Variants in EFCAB6 observed in about 807,000 individuals in gnomAD.
EFCAB6 encodes EF-hand calcium-binding domain-containing protein 6.
In EFCAB6, 156 loss-of-function variants were observed where a neutral mutation model predicts 169.8. The ratio of observed to expected loss-of-function variants is 0.92; its 90% CI spans 0.81 to 1.05. The LOEUF (loss-of-function observed/expected upper bound fraction) is 1.05. Among genes scored for constraint, EFCAB6 ranks in the 50% least tolerant of loss-of-function variants. The pLI is 0.00. For synonymous variants in EFCAB6, 698 were observed against 676.4 expected (o/e 1.03, Z -0.50); for missense variants, 1,800 against 1,829.1 (o/e 0.98, Z 0.29).
At chr22:43,616,574 G>A (rs1005228320) in intron 20 of EFCAB6, among the ~76,000 whole-genome samples, 2 of 150,502 alleles carry the variant, frequency 1.3e-5, no homozygotes, top group African/African-American at 4.9e-5. Context: ...TGAGGCAGGA[G>A]CATTGCTTGA....
At chr22:43,647,134 A>T (rs970813507) in intron 17 of EFCAB6, among the ~76,000 whole-genome samples, 1 of 149,824 alleles carries the variant, frequency 6.7e-6, no homozygotes, top group Non-Finnish European at 1.5e-5. Flanking sequence ...TGCTCTAAAA[A>T]CATTCTATAC....
chr22:43,570,908 A>G (rs2049824096), intron 26 of EFCAB6, among the ~76,000 whole-genome samples: 2 of 152,116 alleles, frequency 1.3e-5, no homozygotes, highest in African/African-American at 4.8e-5. Flanking sequence ...GGACTCCCCC[A>G]CCATGGAGCC....
At chr22:43,681,108 T>TC (rs966860428) in intron 12 of EFCAB6, among the ~76,000 whole-genome samples, 65 of 152,358 alleles carry the variant, frequency 4.3e-4, no homozygotes, top group African/African-American at 1.5e-3. Context: ...TGTTGTAAAT[T>TC]CCCTTTATCA....
chr22:43,650,108 G>A (rs2056393602), intron 17 of EFCAB6, among the ~76,000 whole-genome samples: 1 of 152,180 alleles, frequency 6.6e-6, no homozygotes, highest in Non-Finnish European at 1.5e-5. Flanking sequence ...TGGTCACCTT[G>A]TGGTCCTGAG....
intron 23 of EFCAB6, among the ~76,000 whole-genome samples, chr22:43,595,395 T>G (rs2051920487): frequency 1.3e-5 from 2 of 151,384 alleles, no homozygotes; most frequent in South Asian, 4.2e-4. Flanking sequence ...AAAAAGAAAG[T>G]CCAAATGAAT....
chr22:43,774,320 GC>G (rs1480365484), intron 3 of EFCAB6, among the ~76,000 whole-genome samples: 1 of 150,676 alleles, frequency 6.6e-6, no homozygotes, highest in Admixed American at 6.6e-5. Context: ...GGTGGGCTGG[GC>G]TGTCTTCTGC....
chr22:43,741,133 T>C (rs1442991854), intron 6 of EFCAB6, among the ~76,000 whole-genome samples: 1 of 152,062 alleles, frequency 6.6e-6, no homozygotes, highest in African/African-American at 2.4e-5. Flanking sequence ...GATGAAAAAG[T>C]AAGAAGAAGC....
chr22:43,582,441 T>C (rs2050790630), intron 24 of EFCAB6, among the ~76,000 whole-genome samples: 1 of 152,124 alleles, frequency 6.6e-6, no homozygotes, highest in African/African-American at 2.4e-5. Flanking sequence ...AGGGAATTAT[T>C]TTCTTCCTAA....
At chr22:43,780,777 C>T (rs769051627) in intron 3 of EFCAB6, among the ~76,000 whole-genome samples, 2 of 152,200 alleles carry the variant, frequency 1.3e-5, no homozygotes, top group Non-Finnish European at 2.9e-5. Flanking sequence ...TTTGCAGGCT[C>T]CCTGGTAGAT....
At chr22:43,563,325 G>A (rs1453683364) in intron 26 of EFCAB6, among the ~76,000 whole-genome samples, 2 of 152,336 alleles carry the variant, frequency 1.3e-5, no homozygotes, top group East Asian at 3.9e-4. Flanking sequence ...CCACCTCTTT[G>A]GAAAGTTCAA....
chr22:43,634,567 T>C (rs1480925278), intron 18 of EFCAB6, among the ~76,000 whole-genome samples: 1 of 151,638 alleles, frequency 6.6e-6, no homozygotes, highest in Non-Finnish European at 1.5e-5. Context: ...CTAGAGGGCT[T>C]GTTTGTCCAC....
intron 10 of EFCAB6, among the ~76,000 whole-genome samples, chr22:43,689,806 G>A (rs1359181228): frequency 1.3e-5 from 2 of 152,306 alleles, no homozygotes; most frequent in East Asian, 1.9e-4. Context: ...CTAACAGGGA[G>A]GAAATGCAAT....
chr22:43,736,451 A>G (rs2060141066), intron 6 of EFCAB6, among the ~76,000 whole-genome samples: 1 of 152,184 alleles, frequency 6.6e-6, no homozygotes, highest in African/African-American at 2.4e-5. Flanking sequence ...ATCACAGGAA[A>G]GTTTTGTAGC....
intron 21 of EFCAB6, among the ~76,000 whole-genome samples, chr22:43,611,520 G>C (rs939135405): frequency 1.3e-5 from 2 of 152,202 alleles, no homozygotes; most frequent in Admixed American, 6.5e-5. Context: ...TATGGGACTA[G>C]GCGTGGTGGC....
chr22:43,693,018 G>A lies in EFCAB6; in HGVS notation c.1032-5437C>T, dbSNP rs1434253885. ...GAGAAAAGTGACTCATTAGGTACAG[G>A]AAGATGCCAATTTAAGAGATGACAT... is the stretch of plus-strand genomic sequence containing the variant. On this transcript the variant is annotated intron_variant, in intron 10 of 31. Coordinates refer to ENST00000262726, the MANE Select transcript of EFCAB6 (RefSeq NM_022785.4). 2.0e-5 allele frequency among the ~76,000 whole-genome samples: 3 copies of A among 152,138 alleles called. No individual in the cohort carries two copies. The East Asian group carries it at 5.8e-4, about 29-fold the overall frequency.
chr22:43,622,527 T>C (rs1358345876), intron 20 of EFCAB6, among the ~76,000 whole-genome samples: 2 of 152,042 alleles, frequency 1.3e-5, no homozygotes, highest in African/African-American at 2.4e-5. Flanking sequence ...GATGGCACCA[T>C]TGCACTCCAG....
chr22:43,613,740 C>T (rs1475855902), intron 21 of EFCAB6, among the ~76,000 whole-genome samples: 5 of 152,112 alleles, frequency 3.3e-5, no homozygotes, highest in African/African-American at 1.2e-4. Context: ...AATAAACCTG[C>T]ACACATATCC....
At chr22:43,702,126 A>G (rs2058788502) in intron 10 of EFCAB6, among the ~76,000 whole-genome samples, 1 of 152,244 alleles carries the variant, frequency 6.6e-6, no homozygotes. Flanking sequence ...TTTACACCTC[A>G]TGAGTTATCA....
At chr22:43,545,288 A>G (rs1044672193) in intron 27 of EFCAB6, among the ~76,000 whole-genome samples, 1 of 152,214 alleles carries the variant, frequency 6.6e-6, no homozygotes, top group Non-Finnish European at 1.5e-5. Flanking sequence ...ACCTGATCAT[A>G]AAAGATCCTA....
Sources: gnomAD v4.1 joint callset for allele counts (sites outside exome capture counted in the v4.1 genomes callset) on GRCh38, gnomAD v4.1.1 for gene constraint, MANE v1.5 for transcripts, NCBI Gene and HGNC (gene_info 2026-07-23, HGNC 2026-07-21) for gene names.